Variants in MAP4K5 observed in about 807,000 individuals in gnomAD.
The protein encoded by MAP4K5 is mitogen-activated protein kinase kinase kinase kinase 5.
A neutral mutation model predicts 135.6 loss-of-function variants in MAP4K5; 82 were observed. The ratio of observed to expected loss-of-function variants is 0.60; its 90% CI spans 0.51 to 0.73. The LOEUF (loss-of-function observed/expected upper bound fraction) is 0.73, where lower values mean the gene tolerates loss of function less well. MAP4K5 is among the 30% of genes least tolerant of loss of function. The probability of loss-of-function intolerance (pLI) is 0.00; values close to 1 mark genes in which losing one functional copy is unlikely to be tolerated. For missense variants in MAP4K5, 907 were observed against 1,010.9 expected, an observed-to-expected ratio of 0.90 and a Z score of 1.39; for synonymous variants, 347 against 335.0, an observed-to-expected ratio of 1.04 and a Z score of -0.39.
rs779345653 is a variant in MAP4K5, at chr14:50,446,031, A to G, written c.1185+48T>C. 4 of 1,207,022 alleles carry G rather than the reference A, an allele frequency of 3.3e-6. No individual in the cohort carries two copies. The African/African-American group carries it at 4.8e-5, about 15-fold the overall frequency. The allele number at this position is 1,207,022 out of a possible 1,614,324, so 74.8% of individuals were successfully genotyped here. On this transcript the variant is annotated intron_variant, in intron 17 of 32. Coordinates refer to ENST00000682126, the MANE Select transcript of MAP4K5 (RefSeq NM_006575.6). ...TCAAAATTATTTTAAAAATTTAACT[A>G]TATTATTTAAATAAGGATTTAGTGT... is the stretch of plus-strand genomic sequence containing the variant.
At chr14:50,454,393 A>G (rs567090114) in intron 14 of MAP4K5, among the ~76,000 whole-genome samples, 1 of 152,252 alleles carries the variant, frequency 6.6e-6, no homozygotes, top group East Asian at 1.9e-4. Context: ...TATATTTAAA[A>G]ATTTACCCTG....
upstream of MAP4K5, among the ~76,000 whole-genome samples, chr14:50,535,418 G>A (rs2038479099): frequency 6.6e-6 from 1 of 152,194 alleles, no homozygotes; most frequent in Admixed American, 6.5e-5. Flanking sequence ...ACAGATTTAA[G>A]CAATCTGGTA....
rs1411486834 is a variant in MAP4K5 at position 50,455,404 on chromosome 14, C to T, written c.1015+1112G>A. Among the ~76,000 whole-genome samples, 3 of 151,946 alleles carry T rather than the reference C, an allele frequency of 2.0e-5. No homozygotes were observed. In the East Asian group the frequency reaches 5.8e-4, roughly 29 times the overall value. ...GCATAAAATAAAGAATATGATGTTA[C>T]AATGGAATATCAACTTTGTTACTTT... On this transcript the variant is annotated intron_variant, in intron 14 of 32. Coordinates refer to ENST00000682126, the MANE Select transcript of MAP4K5 (RefSeq NM_006575.6).
At chr14:50,432,777 T>TG (rs1302233508) in intron 28 of MAP4K5, among the ~76,000 whole-genome samples, 1 of 152,158 alleles carries the variant, frequency 6.6e-6, no homozygotes, top group African/African-American at 2.4e-5. Context: ...AGCCAAAACT[T>TG]GTCTTTAAAT....
chr14:50,473,048 T>C (rs118045974), intron 9 of MAP4K5, among the ~76,000 whole-genome samples: 5,280 of 152,284 alleles, frequency 0.035, 92 homozygotes, highest in Middle Eastern at 0.055. Flanking sequence ...CTTTAAGTGA[T>C]AGTAAATGAA....
chr14:50,430,497 G>A lies in MAP4K5; in HGVS notation c.2165-1237C>T, dbSNP rs148243299. Among the ~76,000 whole-genome samples, 1,384 of 152,256 alleles carry A rather than the reference G, an allele frequency of 9.1e-3. 6 individuals carry two copies. The highest frequency in any genetic ancestry group is 0.044 in the Middle Eastern group (13 of 294). Reference sequence around the variant, plus strand: ...ACTTTTCCTTCAAATGGCGGATTGGGGGCAGGCAGAAAAGAGGATTGCCAA... The same window carrying A: ...ACTTTTCCTTCAAATGGCGGATTGGAGGCAGGCAGAAAAGAGGATTGCCAA... On this transcript the variant is annotated intron_variant, in intron 28 of 32. Transcript: ENST00000682126.
rs1373024018 is a variant in MAP4K5 at position 50,443,773 on chromosome 14, A to G, written c.1438-3T>C. ...GGAAGGCCATTGATGGCTGGTTTCT[A>G]TGGGAAAAATAAAATTTACTAGTGT... On this transcript the variant is annotated splice_polypyrimidine_tract_variant and splice_region_variant and intron_variant, in intron 19 of 32. Transcript: ENST00000682126. The G allele has an allele frequency of 6.3e-7, 1 of 1,597,342 alleles. No homozygotes were observed. Among genetic ancestry groups the G allele is most frequent in the African/African-American group, 1.4e-5 (1 of 73,994 alleles).
chr14:50,465,583 T>C (rs1281189187), intron 11 of MAP4K5, among the ~76,000 whole-genome samples: 1 of 152,168 alleles, frequency 6.6e-6, no homozygotes, highest in African/African-American at 2.4e-5. Context: ...ATTTTAAGTG[T>C]CATGTTATCT....
intron 3 of MAP4K5, among the ~76,000 whole-genome samples, chr14:50,488,496 A>G (rs993813433): frequency 6.6e-6 from 1 of 152,234 alleles, no homozygotes; most frequent in Non-Finnish European, 1.5e-5. Context: ...GATTTAGAAC[A>G]GATTTTCTCA....
chr14:50,557,400 A>T (rs1395386519), intron 1 of MAP4K5, among the ~76,000 whole-genome samples: 1 of 152,194 alleles, frequency 6.6e-6, no homozygotes, highest in African/African-American at 2.4e-5. Context: ...TTCACAGATG[A>T]ATGGATACTT....
chr14:50,462,608 C>T, intron 13 of MAP4K5, 57 bp downstream of exon 13: 1 of 1,242,208 alleles, frequency 8.1e-7, no homozygotes, highest in Non-Finnish European at 1.2e-6. Context: ...AAAAAGCAAA[C>T]TTTAAGGCCT....
At chr14:50,484,877 T>C (rs1366063237) in intron 5 of MAP4K5, among the ~76,000 whole-genome samples, 5 of 152,188 alleles carry the variant, frequency 3.3e-5, no homozygotes, top group Non-Finnish European at 7.4e-5. Flanking sequence ...TTTAAAAATA[T>C]TTCACGTAAT....
In MAP4K5 at chr14:50,531,983, C is replaced by G; in HGVS notation, c.67G>C (p.Val23Leu). The G allele has an allele frequency of 1.9e-6, 3 of 1,604,562 alleles. No homozygotes were observed. Among genetic ancestry groups the G allele is most frequent in the Non-Finnish European group, 1.7e-6 (2 of 1,175,904 alleles). ...TAGGTGCCGCTGCCGACCCTCTGGA[C>G]GAGTTCGTAGTCCTGCTGCGGGTTC... The part of the protein sequence containing the change: ...RRNPQQDYEL[V>L]QRVGSGTYGD... The change falls in exon 2 of 33, where the codon GTC becomes CTC. Residue 23 changes from valine (V) to leucine (L), a missense_variant. Val to Leu is a conservative substitution (Grantham distance 32). Coordinates refer to ENST00000682126, the MANE Select transcript of MAP4K5 (RefSeq NM_006575.6).
At chr14:50,451,580 A>G (rs2139757081) in intron 14 of MAP4K5, among the ~76,000 whole-genome samples, 1 of 152,290 alleles carries the variant, frequency 6.6e-6, no homozygotes, top group East Asian at 1.9e-4. Flanking sequence ...TCTTTTTTTA[A>G]AAACTGAGTT....
chr14:50,517,001 A>G (rs1595537904), intron 2 of MAP4K5, among the ~76,000 whole-genome samples: 1 of 152,160 alleles, frequency 6.6e-6, no homozygotes, highest in East Asian at 1.9e-4. Context: ...TGCCATATAA[A>G]TTCTAGACCC....
chr14:50,439,912 T>C, intron 23 of MAP4K5, 101 bp downstream of exon 23: 1 of 1,158,730 alleles, frequency 8.6e-7, no homozygotes, highest in Non-Finnish European at 1.2e-6. Flanking sequence ...CTATATTAGA[T>C]TATAGTCATC....
intron 13 of MAP4K5, among the ~76,000 whole-genome samples, chr14:50,458,123 C>A (rs1266876730): frequency 6.6e-6 from 1 of 152,166 alleles, no homozygotes; most frequent in Non-Finnish European, 1.5e-5. Context: ...ACCTTCTTCA[C>A]ATTCTTCAAA....
chr14:50,503,436 AAG>A (rs1278290378), intron 3 of MAP4K5, among the ~76,000 whole-genome samples: 3 of 152,092 alleles, frequency 2.0e-5, no homozygotes, highest in Non-Finnish European at 4.4e-5. Context: ...AGCCTTTCAA[AAG>A]AGTCTTATGA....
intron 2 of MAP4K5, among the ~76,000 whole-genome samples, chr14:50,541,374 C>T (rs926860066): frequency 2.0e-5 from 3 of 152,140 alleles, no homozygotes; most frequent in Admixed American, 1.3e-4. Flanking sequence ...TACCAGAGAA[C>T]GAGAGATAAA....
Sources: allele counts gnomAD v4.1 joint callset (sites outside exome capture counted in the v4.1 genomes callset), GRCh38; gene constraint gnomAD v4.1.1; transcripts MANE v1.5; gene names NCBI Gene and HGNC (gene_info 2026-07-23, HGNC 2026-07-21).